CDKL2: variants seen among roughly 807,000 people sequenced by gnomAD.
The protein encoded by CDKL2 is cyclin dependent kinase like 2.
Under a neutral mutation model 63.9 loss-of-function variants are expected in CDKL2, and 64 were observed. The ratio of observed to expected loss-of-function variants is 1.00; its 90% CI spans 0.82 to 1.23. CDKL2 has a LOEUF of 1.23. Among genes scored for constraint, CDKL2 ranks in the 50% most tolerant of loss-of-function variants. The pLI, the probability that CDKL2 is intolerant of heterozygous loss-of-function variation, is 0.00. For missense variants in CDKL2, 656 were observed against 668.0 expected, an observed-to-expected ratio of 0.98 and a Z score of 0.20; for synonymous variants, 211 against 229.2, an observed-to-expected ratio of 0.92 and a Z score of 0.72.
chr4:75,620,939 T>G (rs1204231137), intron 2 of CDKL2, among the ~76,000 whole-genome samples: 1 of 2,398 alleles, frequency 4.2e-4, no homozygotes, highest in Non-Finnish European at 9.2e-4. Context: ...TAGCTGAGCA[T>G]TTTTTTTTTT....
chr4:75,596,056 C>A (rs1031699807), intron 10 of CDKL2, 191 bp downstream of exon 10: 6 of 361,766 alleles, frequency 1.7e-5, no homozygotes, highest in East Asian at 4.8e-5. Flanking sequence ...AGTTTTTAGA[C>A]TCATAAAACT....
intron 2 of CDKL2, among the ~76,000 whole-genome samples, chr4:75,616,754 G>GTATA (rs1451758165): frequency 3.9e-5 from 1 of 25,506 alleles, no homozygotes; most frequent in East Asian, 1.6e-3. Context: ...GTTTTTTAAA[G>GTATA]AGTTATACAT....
intron 10 of CDKL2, 47 bp downstream of exon 10, chr4:75,596,200 G>T (rs374943912): frequency 9.3e-7 from 1 of 1,070,858 alleles, no homozygotes; most frequent in South Asian, 1.3e-5. Flanking sequence ...TAAAAGTCTA[G>T]AGCTGACTGG....
chr4:75,607,492 T>C, intron 3 of CDKL2, 131 bp from the exon 4 acceptor site: 1 of 609,230 alleles, frequency 1.6e-6, no homozygotes, highest in Non-Finnish European at 2.7e-6. Flanking sequence ...CTCCTAGCCC[T>C]CAACAACCTA....
intron 5 of CDKL2, 126 bp downstream of exon 5, chr4:75,605,396 G>A (rs895555718): frequency 2.2e-5 from 13 of 603,764 alleles, no homozygotes; most frequent in Non-Finnish European, 1.8e-5. Context: ...TTTCCTATAT[G>A]CTCCCTACCT....
intron 6 of CDKL2, among the ~76,000 whole-genome samples, chr4:75,602,730 G>C (rs1363388683): frequency 6.6e-6 from 1 of 151,312 alleles, no homozygotes; most frequent in Non-Finnish European, 1.5e-5. Flanking sequence ...TGCCATGTTG[G>C]CCAGGCTGGT....
rs1010141842 is a variant in CDKL2, at chr4:75,580,845, C to T, written c.*23+965G>A. Among the ~76,000 whole-genome samples the T allele has an allele frequency of 1.5e-3, 225 of 149,396 alleles. 1 individual carries two copies. Among genetic ancestry groups the T allele is most frequent in the African/African-American group, 5.3e-3 (217 of 41,092 alleles). On this transcript the variant is annotated intron_variant, in intron 13 of 13. Coordinates refer to ENST00000307465, the MANE Select transcript of CDKL2 (RefSeq NM_001330724.2). ...CCTCCCGAGTAGCTGGGACTACAGGCGCCCGCTACCACACCCGGCTAATTT... is the reference window on the plus strand; with the variant it reads ...CCTCCCGAGTAGCTGGGACTACAGGTGCCCGCTACCACACCCGGCTAATTT...
At position 75,595,991 on chromosome 4, in the gene CDKL2, A is replaced by G. The variant is rs886212178; in HGVS notation, c.1416+256T>C. 9.4e-6 allele frequency: 3 copies of G among 320,034 alleles called. No individual in the cohort carries two copies. In the East Asian group the frequency reaches 1.7e-4, roughly 18 times the overall value. 19.8% of individuals were successfully genotyped at this position (320,034 alleles called of 1,614,324 possible). A position where few individuals can be genotyped will look rare whatever the true frequency, so the allele number is the denominator to read the frequency against. Reference sequence around the variant, plus strand: ...AAGGAAGGAAAGAAGGAAGGAAGGAAGGAAGGAAGGAAGGAAGGAAGGAAG... The same window carrying G: ...AAGGAAGGAAAGAAGGAAGGAAGGAGGGAAGGAAGGAAGGAAGGAAGGAAG... On this transcript the variant is annotated intron_variant, in intron 10 of 13. Coordinates refer to ENST00000307465, the MANE Select transcript of CDKL2 (RefSeq NM_001330724.2).
chr4:75,616,241 CT>C (rs1729920113), intron 2 of CDKL2, among the ~76,000 whole-genome samples: 1 of 151,668 alleles, frequency 6.6e-6, no homozygotes, highest in East Asian at 1.9e-4. Context: ...GAATTGTAGG[CT>C]GCAATAAGCT....
intron 12 of CDKL2, 132 bp from the exon 13 acceptor site, chr4:75,582,030 G>T: frequency 1.6e-6 from 1 of 635,034 alleles, no homozygotes. Flanking sequence ...TGCCTACATG[G>T]AAAAGAATGA....
At chr4:75,607,608 T>C (rs1729476490) in intron 3 of CDKL2, among the ~76,000 whole-genome samples, 1 of 152,154 alleles carries the variant, frequency 6.6e-6, no homozygotes, top group Non-Finnish European at 1.5e-5. Flanking sequence ...AACTGTTCAG[T>C]TAATGTACTG....
At chr4:75,605,058 TAAA>T (rs1257645269) in intron 5 of CDKL2, among the ~76,000 whole-genome samples, 1 of 151,546 alleles carries the variant, frequency 6.6e-6, no homozygotes, top group Non-Finnish European at 1.5e-5. Context: ...AAAAATAAAT[TAAA>T]ACACACACGT....
chr4:75,626,438 G>A (rs1202750542), intron 1 of CDKL2, among the ~76,000 whole-genome samples: 1 of 152,110 alleles, frequency 6.6e-6, no homozygotes, highest in Non-Finnish European at 1.5e-5. Context: ...AGGCCAAGGT[G>A]GGCGGATCAC....
chr4:75,614,692 G>T (rs577668926), intron 2 of CDKL2, among the ~76,000 whole-genome samples: 3 of 151,810 alleles, frequency 2.0e-5, no homozygotes, highest in South Asian at 4.2e-4. Context: ...AAAAATAAGT[G>T]TAACTCCATC....
chr4:75,603,157 G>A (rs1329869288), intron 6 of CDKL2, among the ~76,000 whole-genome samples: 6 of 149,128 alleles, frequency 4.0e-5, no homozygotes, highest in East Asian at 2.0e-4. Flanking sequence ...CCGCCACCGC[G>A]CCCGGCTAAT....
At position 75,597,152 on chromosome 4, in the gene CDKL2, CT is replaced by C. The variant is rs2148876679; in HGVS notation, c.1104del (p.Gly369AlafsTer20). On this transcript the variant is annotated frameshift_variant, in exon 9 of 14. Coordinates refer to ENST00000307465, the MANE Select transcript of CDKL2 (RefSeq NM_001330724.2). LOFTEE classifies it high-confidence loss of function. ...GSKIDGEKAE[K>X]GNRASNASCL... is the part of the protein sequence containing the mutation. ...CAGCTGGCATTTGAAGCTCTATTGC[CT>C]TTTTCAGCTTTTTCTCCATCAATTT... is the stretch of plus-strand genomic sequence containing the variant. 1 of 1,613,586 alleles carries C rather than the reference CT, an allele frequency of 6.2e-7. No homozygotes were observed. Among genetic ancestry groups the C allele is most frequent in the Non-Finnish European group, 8.5e-7 (1 of 1,179,612 alleles).
rs1381166014 is a variant in CDKL2, at chr4:75,614,325, A to C, written c.293T>G (p.Leu98Arg). Residue 98 changes from leucine to arginine, a missense_variant, in exon 3 of 14, where the codon CTA becomes CGA. By Grantham distance (102) the Leu-to-Arg change is moderately radical. Coordinates refer to ENST00000307465, the MANE Select transcript of CDKL2 (RefSeq NM_001330724.2). ...LDDLELFPNG[L>R]DYQVVQKYLF... Reference sequence around the variant, plus strand: ...ATACTTTTGAACTACTTGGTAGTCTAGTCCATTTGGAAAGAGCTCCAAGTC... The same window carrying C: ...ATACTTTTGAACTACTTGGTAGTCTCGTCCATTTGGAAAGAGCTCCAAGTC... 3 of 1,611,544 alleles carry C rather than the reference A, an allele frequency of 1.9e-6. No individual in the cohort carries two copies. Among genetic ancestry groups the C allele is most frequent in the Admixed American group, 1.7e-5 (1 of 59,850 alleles).
rs376161944 is a variant in CDKL2, at chr4:75,604,902, G to A, written c.655+620C>T. Among the ~76,000 whole-genome samples the A allele has an allele frequency of 5.3e-5, 8 of 152,164 alleles. 1 individual carries two copies. The highest frequency in any genetic ancestry group is 1.9e-4 in the East Asian group (1 of 5,168). Reference sequence around the variant, plus strand: ...TGCAATCCCAGCATTTTGGGAGGCCGAGGCAGGAGAATCGCTTGAACCTGG... The same window carrying A: ...TGCAATCCCAGCATTTTGGGAGGCCAAGGCAGGAGAATCGCTTGAACCTGG... On this transcript the variant is annotated intron_variant, in intron 5 of 13. Coordinates refer to ENST00000307465, the MANE Select transcript of CDKL2 (RefSeq NM_001330724.2).
At chr4:75,600,475 T>C (rs959239143) in intron 6 of CDKL2, 106 bp from the exon 7 acceptor site, 21 of 679,534 alleles carry the variant, frequency 3.1e-5, no homozygotes, top group African/African-American at 3.1e-4. Flanking sequence ...TTTTTTTTTT[T>C]AAGACAGGGT....
Sources: allele counts gnomAD v4.1 joint callset (sites outside exome capture counted in the v4.1 genomes callset), GRCh38; gene constraint gnomAD v4.1.1; transcripts MANE v1.5; gene names NCBI Gene and HGNC (gene_info 2026-07-23, HGNC 2026-07-21).